AHDC1: variants seen among roughly 807,000 people sequenced by gnomAD.
AHDC1 encodes the protein transcription factor Gibbin.
A neutral mutation model predicts 87.9 loss-of-function variants in AHDC1; 7 were observed. The ratio of observed to expected loss-of-function variants is 0.08; its 90% CI spans 0.05 to 0.15. AHDC1 has a LOEUF of 0.15. Among genes scored for constraint, AHDC1 ranks in the 10% least tolerant of loss-of-function variants. The probability of loss-of-function intolerance (pLI) is 1.00; values close to 1 mark genes in which losing one functional copy is unlikely to be tolerated. For synonymous variants in AHDC1, 1,051 were observed against 1,006.8 expected, an observed-to-expected ratio of 1.04 and a Z score of -0.83; for missense variants, 1,841 against 2,253.2, an observed-to-expected ratio of 0.82 and a Z score of 3.70.
At chr1:27,538,229 C>T (rs1412328092) in intron 8 of AHDC1, among the ~76,000 whole-genome samples, 1 of 151,546 alleles carries the variant, frequency 6.6e-6, no homozygotes, top group Admixed American at 6.6e-5. Flanking sequence ...TGGAGAAACC[C>T]CGTCTCTACA....
In AHDC1 at chr1:27,549,775, C is replaced by T. The variant is rs750144947; in HGVS notation, c.2341G>A (p.Gly781Arg). Residue 781 changes from glycine to arginine, a missense_variant, in exon 8 of 9, where the codon GGG (glycine) becomes AGG (arginine). Physicochemically the swap from Gly to Arg is moderately radical, Grantham distance 125 (BLOSUM62 -2). This residue lies in a region of AHDC1 where 236 missense variants were observed against 257.9 expected (regional missense o/e 0.92). Transcript: ENST00000673934. The part of the protein sequence containing the change: ...DKGGGWAPHH[G>R]HPGGQAGRNC... ...CGGCCAGCTTGTCCGCCTGGGTGCCCATGGTGAGGGGCCCAGCCACCACCC... is the reference window on the plus strand; with the variant it reads ...CGGCCAGCTTGTCCGCCTGGGTGCCTATGGTGAGGGGCCCAGCCACCACCC... 13 of 1,613,236 alleles carry T rather than the reference C, an allele frequency of 8.1e-6. No individual in the cohort carries two copies. The highest frequency in any genetic ancestry group is 1.7e-5 in the Admixed American group (1 of 60,012).
Position 27,595,726 on chromosome 1 carries a change from A to AT in AHDC1, c.-629+7670dup, listed in dbSNP as rs1348853421. On this transcript the variant is annotated intron_variant, in intron 3 of 8. Transcript: ENST00000673934. This position sits in a 1 kb window ranked among gnomAD's most constrained non-coding sequence, Gnocchi z 4.0. ...GTGGGAAGGGAAGAATGGGTCTCTG[A>AT]TATCAGAGATGTGCCACAGGCTATC... is the stretch of plus-strand genomic sequence containing the variant. Among the ~76,000 whole-genome samples, 1 of 151,902 alleles carries AT rather than the reference A, an allele frequency of 6.6e-6. No individual in the cohort carries two copies. Among genetic ancestry groups the AT allele is most frequent in the Non-Finnish European group, 1.5e-5 (1 of 67,976 alleles).
In AHDC1 at chr1:27,592,581, C is replaced by A. The variant is rs543039835; in HGVS notation, c.-629+10816G>T. Among the ~76,000 whole-genome samples, 11 of 152,006 alleles carry A rather than the reference C, an allele frequency of 7.2e-5. No individual in the cohort carries two copies. In the East Asian group the frequency reaches 9.7e-4, roughly 13 times the overall value. The stretch of plus-strand genomic sequence containing the variant: ...CCCAAACATCCCCCGCCCTCCCCCC[C>A]CCAGGCCCTGCTCTTAGCTGAGCTG... On this transcript the variant is annotated intron_variant, in intron 3 of 8. Coordinates refer to ENST00000673934, the MANE Select transcript of AHDC1 (RefSeq NM_001371928.1).
chr1:27,539,137 T>C (rs890037706), intron 8 of AHDC1, among the ~76,000 whole-genome samples: 4 of 148,974 alleles, frequency 2.7e-5, no homozygotes, highest in African/African-American at 1.0e-4. Flanking sequence ...TTTTTTCTTT[T>C]CTTTTTTTTT....
chr1:27,566,243 T>G (rs1415947316), intron 3 of AHDC1, among the ~76,000 whole-genome samples: 1 of 151,552 alleles, frequency 6.6e-6, no homozygotes, highest in Non-Finnish European at 1.5e-5. Flanking sequence ...TGAAGGACAC[T>G]GAGGCAAGAG....
At chr1:27,601,446 C>A (rs1453449194) in intron 3 of AHDC1, among the ~76,000 whole-genome samples, 3 of 152,238 alleles carry the variant, frequency 2.0e-5, no homozygotes, top group African/African-American at 7.2e-5. Context: ...CTGGTTTGGG[C>A]TGGTAGCCAC....
rs944811772 is a variant in AHDC1 at position 27,562,265 on chromosome 1, G to C, written c.-628-3382C>G. Among the ~76,000 whole-genome samples, 9 of 152,128 alleles carry C rather than the reference G, an allele frequency of 5.9e-5. No homozygotes were observed. The highest frequency in any genetic ancestry group is 2.2e-4 in the African/African-American group (9 of 41,436). Reference sequence around the variant, plus strand: ...CTCCCGCCTCCTGACCCCCGAGCCTGGGAGAGATAACAGGCCCGAATAGTG... The same window carrying C: ...CTCCCGCCTCCTGACCCCCGAGCCTCGGAGAGATAACAGGCCCGAATAGTG... On this transcript the variant is annotated intron_variant, in intron 3 of 8. Transcript: ENST00000673934. The surrounding 1 kb of genome is among the most constrained non-coding windows in gnomAD (Gnocchi z 4.4).
rs2089362090 is a variant in AHDC1 at position 27,596,015 on chromosome 1, GTAAC to G, written c.-629+7378_-629+7381del. On this transcript the variant is annotated intron_variant, in intron 3 of 8. Coordinates refer to ENST00000673934, the MANE Select transcript of AHDC1 (RefSeq NM_001371928.1). Reference sequence around the variant, plus strand: ...GTCTATTTAGAAGGTGTTGGGAGCTGTAACTGAGTCCCTGGACCCCAGAGAGGTG... The same window carrying G: ...GTCTATTTAGAAGGTGTTGGGAGCTGTGAGTCCCTGGACCCCAGAGAGGTG... Among the ~76,000 whole-genome samples, 3 of 151,982 alleles carry G rather than the reference GTAAC, an allele frequency of 2.0e-5. No homozygotes were observed. In the South Asian group the frequency reaches 6.2e-4, roughly 32 times the overall value.
At chr1:27,601,014 C>CA (rs1286624847) in intron 3 of AHDC1, among the ~76,000 whole-genome samples, 1 of 152,174 alleles carries the variant, frequency 6.6e-6, no homozygotes, top group Non-Finnish European at 1.5e-5. Flanking sequence ...CCTGCCCCCA[C>CA]GACCCTGTTC....
In AHDC1 at chr1:27,561,471, G is replaced by C. The variant is rs2020079241; in HGVS notation, c.-628-2588C>G. On this transcript the variant is annotated intron_variant, in intron 3 of 8. Transcript: ENST00000673934. The surrounding 1 kb of genome is among the most constrained non-coding windows in gnomAD (Gnocchi z 4.2). Reference sequence around the variant, plus strand: ...AACAGTGCCCACACAGGCTGGGGGAGCTGCTGGGAGGCAGAGGACAGTGTG... The same window carrying C: ...AACAGTGCCCACACAGGCTGGGGGACCTGCTGGGAGGCAGAGGACAGTGTG... 6.6e-6 allele frequency among the ~76,000 whole-genome samples: 1 copy of C among 152,232 alleles called. No individual in the cohort carries two copies. Among genetic ancestry groups the C allele is most frequent in the Non-Finnish European group, 1.5e-5 (1 of 68,030 alleles).
intron 5 of AHDC1, among the ~76,000 whole-genome samples, chr1:27,554,295 C>G (rs2019725698): frequency 6.6e-6 from 1 of 152,130 alleles, no homozygotes; most frequent in African/African-American, 2.4e-5. Context: ...TTGTCCTGGC[C>G]CCTGCTACAT....
In AHDC1 at chr1:27,593,226, C is replaced by T. The variant is rs12735919; in HGVS notation, c.-629+10171G>A. ...GGGGGAGCAGCTCCGTCCCTCCCCT[C>T]CCCCTCCACTCCTCCAGGCAGGCAG... On this transcript the variant is annotated intron_variant, in intron 3 of 8. Coordinates refer to ENST00000673934, the MANE Select transcript of AHDC1 (RefSeq NM_001371928.1). This position sits in a 1 kb window ranked among gnomAD's most constrained non-coding sequence, Gnocchi z 4.9. Among the ~76,000 whole-genome samples, 2 of 152,030 alleles carry T rather than the reference C, an allele frequency of 1.3e-5. No individual in the cohort carries two copies. Among genetic ancestry groups the T allele is most frequent in the Non-Finnish European group, 2.9e-5 (2 of 67,950 alleles).
At position 27,555,758 on chromosome 1, in the gene AHDC1, C is replaced by T. The variant is rs534892425; in HGVS notation, c.-225+2547G>A. 1.1e-4 allele frequency among the ~76,000 whole-genome samples: 16 copies of T among 152,264 alleles called. No homozygotes were observed. In the East Asian group the frequency reaches 1.2e-3, roughly 11 times the overall value. ...AGGGTCAGGCTAGCCGAGCCTTCCC[C>T]GCCCTGGAGACCTCCCAGCTGGGGC... On this transcript the variant is annotated intron_variant, in intron 5 of 8. Transcript: ENST00000673934.
intron 8 of AHDC1, among the ~76,000 whole-genome samples, chr1:27,537,412 C>T (rs1444258389): frequency 6.6e-6 from 1 of 152,182 alleles, no homozygotes; most frequent in Non-Finnish European, 1.5e-5. Context: ...AGGCAGCTAA[C>T]CTGGTCGTGG....
At chr1:27,573,496 C>T (rs2088609663) in intron 3 of AHDC1, among the ~76,000 whole-genome samples, 1 of 152,164 alleles carries the variant, frequency 6.6e-6, no homozygotes, top group Non-Finnish European at 1.5e-5. Context: ...ATCTGTAGTC[C>T]TAGAGAGTTT....
chr1:27,570,326 C>T (rs904815487), intron 3 of AHDC1, among the ~76,000 whole-genome samples: 15 of 151,928 alleles, frequency 9.9e-5, no homozygotes, highest in African/African-American at 2.9e-4. Flanking sequence ...TCCAGACCAT[C>T]GCCCCCCACC....
At chr1:27,540,975 T>G (rs1571210291) in intron 8 of AHDC1, among the ~76,000 whole-genome samples, 1 of 121,486 alleles carries the variant, frequency 8.2e-6, no homozygotes, top group Non-Finnish European at 1.6e-5. Context: ...TTTTAGGGAC[T>G]CCAGACACTG....
intron 3 of AHDC1, among the ~76,000 whole-genome samples, chr1:27,601,825 G>T (rs2089535367): frequency 6.6e-6 from 1 of 152,188 alleles, no homozygotes; most frequent in Non-Finnish European, 1.5e-5. Flanking sequence ...GCCCCTGGCA[G>T]GACTCTGCCC....
At chr1:27,545,911 T>G (rs1476549868) in intron 8 of AHDC1, among the ~76,000 whole-genome samples, 1 of 152,096 alleles carries the variant, frequency 6.6e-6, no homozygotes, top group Non-Finnish European at 1.5e-5. Context: ...CTGGGAATGG[T>G]CCTCCCGGAG....
Sources: gnomAD v4.1 joint callset for allele counts (sites outside exome capture counted in the v4.1 genomes callset) on GRCh38, gnomAD v4.1.1 for gene constraint, gnomAD v4.1.1 regional missense constraint, Gnocchi (gnomAD v3.1) non-coding constraint, MANE v1.5 for transcripts, NCBI Gene and HGNC (gene_info 2026-07-23, HGNC 2026-07-21) for gene names.